PARVA: variants seen among roughly 807,000 people sequenced by gnomAD.
The protein encoded by PARVA is parvin alpha.
A neutral mutation model predicts 52.6 loss-of-function variants in PARVA; 25 were observed. The observed-to-expected ratio is 0.48, with a 90% CI of 0.35 to 0.66. The LOEUF is 0.66. PARVA is among the 30% of genes least tolerant of loss of function. The pLI, the probability that PARVA is intolerant of heterozygous loss-of-function variation, is 0.01. For synonymous variants in PARVA, 185 were observed against 179.1 expected, an observed-to-expected ratio of 1.03 and a Z score of -0.26; for missense variants, 373 against 450.9, an observed-to-expected ratio of 0.83 and a Z score of 1.56.
intron 1 of PARVA, among the ~76,000 whole-genome samples, chr11:12,437,149 A>G (rs1304843295): frequency 2.0e-5 from 3 of 152,198 alleles, no homozygotes; most frequent in African/African-American, 7.2e-5. Context: ...TTTGCAAAGT[A>G]TCAGTCTGCA....
intron 1 of PARVA, among the ~76,000 whole-genome samples, chr11:12,435,609 T>C (rs1478088798): frequency 6.6e-6 from 1 of 152,200 alleles, no homozygotes; most frequent in Non-Finnish European, 1.5e-5. Flanking sequence ...TCATAGGTCA[T>C]AAGGAATGAT....
At chr11:12,467,059 T>C (rs912852373) in intron 1 of PARVA, among the ~76,000 whole-genome samples, 14 of 152,350 alleles carry the variant, frequency 9.2e-5, no homozygotes, top group African/African-American at 3.1e-4. Context: ...TTTATAATCT[T>C]CTGCATATCA....
chr11:12,486,715 G>A (rs1003320070), intron 4 of PARVA, among the ~76,000 whole-genome samples: 12 of 151,202 alleles, frequency 7.9e-5, no homozygotes, highest in Non-Finnish European at 1.6e-4. Flanking sequence ...GCATGGTGGT[G>A]GGCGCCTGTA....
At chr11:12,404,081 T>C (rs1161013558) in intron 1 of PARVA, among the ~76,000 whole-genome samples, 4 of 149,700 alleles carry the variant, frequency 2.7e-5, no homozygotes, top group Non-Finnish European at 4.4e-5. Flanking sequence ...AGCTGCCCAG[T>C]TGGCTCACCG....
At chr11:12,483,737 AC>A (rs1941120025) in intron 4 of PARVA, among the ~76,000 whole-genome samples, 1 of 152,084 alleles carries the variant, frequency 6.6e-6, no homozygotes, top group Non-Finnish European at 1.5e-5. Flanking sequence ...AGAGACAGCA[AC>A]CCCGCTGTGG....
intron 5 of PARVA, among the ~76,000 whole-genome samples, chr11:12,497,547 T>C (rs1322844601): frequency 2.6e-5 from 4 of 152,196 alleles, no homozygotes; most frequent in African/African-American, 9.6e-5. Context: ...CATCTGACGT[T>C]GGGGCTGAGA....
chr11:12,415,943 A>G lies in PARVA; in HGVS notation c.136+38160A>G, dbSNP rs377283839. Among the ~76,000 whole-genome samples the G allele has an allele frequency of 3.3e-5, 5 of 152,352 alleles. No homozygotes were observed. In the East Asian group the frequency reaches 9.6e-4, roughly 29 times the overall value. On this transcript the variant is annotated intron_variant, in intron 1 of 12. Transcript: ENST00000334956. ...GGTGAAAAGGCGTAGCGCCTTCTCT[A>G]CTTAGCTGTTGGCACTAATCTATGC... is the stretch of plus-strand genomic sequence containing the variant.
In PARVA at chr11:12,443,062, C is replaced by T. The variant is rs137997846; in HGVS notation, c.137-30683C>T. On this transcript the variant is annotated intron_variant, in intron 1 of 12. Transcript: ENST00000334956. The stretch of plus-strand genomic sequence containing the variant: ...ATTTTTAGTACAGATGGGGTTTCAC[C>T]GTGTTAGCCAGGATGGTCTTGATCT... 1.1e-3 allele frequency among the ~76,000 whole-genome samples: 164 copies of T among 151,728 alleles called. 2 individuals are homozygous for T. The highest frequency in any genetic ancestry group is 3.8e-3 in the African/African-American group (159 of 41,384).
At chr11:12,480,983 C>G (rs1400445809) in intron 4 of PARVA, among the ~76,000 whole-genome samples, 1 of 152,050 alleles carries the variant, frequency 6.6e-6, no homozygotes, top group African/African-American at 2.4e-5. Context: ...GGCTATTTTT[C>G]GTGTCACTGG....
At chr11:12,521,431 T>C (rs1941635085) in intron 12 of PARVA, among the ~76,000 whole-genome samples, 1 of 152,252 alleles carries the variant, frequency 6.6e-6, no homozygotes, top group Admixed American at 6.5e-5. Context: ...AGAACCATTT[T>C]ATTTTTATTC....
chr11:12,468,640 A>G (rs183126333), intron 1 of PARVA, among the ~76,000 whole-genome samples: 135 of 152,292 alleles, frequency 8.9e-4, no homozygotes, highest in African/African-American at 3.1e-3. Flanking sequence ...ATCTCCTATA[A>G]CAAGACATAT....
intron 1 of PARVA, among the ~76,000 whole-genome samples, chr11:12,451,232 T>C (rs1376135532): frequency 6.6e-6 from 1 of 152,224 alleles, no homozygotes; most frequent in Non-Finnish European, 1.5e-5. Flanking sequence ...TGGAAGTTTA[T>C]TGAGAGTTCT....
At chr11:12,416,255 G>A (rs1003228359) in intron 1 of PARVA, among the ~76,000 whole-genome samples, 11 of 152,212 alleles carry the variant, frequency 7.2e-5, no homozygotes, top group South Asian at 4.1e-4. Flanking sequence ...TCGAGGCAAC[G>A]TTAGGGCTGG....
chr11:12,382,045 G>A (rs74334158), intron 1 of PARVA, among the ~76,000 whole-genome samples: 8,294 of 152,248 alleles, frequency 0.054, 745 homozygotes, highest in African/African-American at 0.19. Flanking sequence ...GAGATGAACT[G>A]TTCACGTGGA....
In PARVA at chr11:12,390,206, T is replaced by C. The variant is rs191803553; in HGVS notation, c.136+12423T>C. ...TTAATCTGCCAATTGCAGTATTACA[T>C]TGACTTTCCAATTCAAAACGATTAT... On this transcript the variant is annotated intron_variant, in intron 1 of 12. Transcript: ENST00000334956. Among the ~76,000 whole-genome samples the C allele has an allele frequency of 1.2e-4, 18 of 152,332 alleles. No homozygotes were observed. In the South Asian group the frequency reaches 1.2e-3, roughly 11 times the overall value.
intron 1 of PARVA, among the ~76,000 whole-genome samples, chr11:12,469,815 G>C (rs1224369592): frequency 6.6e-6 from 1 of 152,188 alleles, no homozygotes; most frequent in Non-Finnish European, 1.5e-5. Flanking sequence ...TAAAGAGGCA[G>C]GGCAGAGGGG....
At chr11:12,503,298 A>G (rs2079779990) in intron 5 of PARVA, among the ~76,000 whole-genome samples, 1 of 152,168 alleles carries the variant, frequency 6.6e-6, no homozygotes, top group Non-Finnish European at 1.5e-5. Context: ...CTCAATGTTT[A>G]TTTATTAAGG....
intron 3 of PARVA, among the ~76,000 whole-genome samples, chr11:12,474,928 T>A (rs997844659): frequency 2.7e-5 from 4 of 149,676 alleles, no homozygotes; most frequent in Non-Finnish European, 5.9e-5. Flanking sequence ...ACCACGCCAC[T>A]GCACTCCAGC....
chr11:12,457,032 C>T (rs1240758121), intron 1 of PARVA, among the ~76,000 whole-genome samples: 1 of 152,096 alleles, frequency 6.6e-6, no homozygotes, highest in Non-Finnish European at 1.5e-5. Flanking sequence ...TTATATTGTG[C>T]GTGTTTATTT....
Sources: gnomAD v4.1 joint callset for allele counts (sites outside exome capture counted in the v4.1 genomes callset) on GRCh38, gnomAD v4.1.1 for gene constraint, MANE v1.5 for transcripts, NCBI Gene and HGNC (gene_info 2026-07-23, HGNC 2026-07-21) for gene names.